Variants in RGS7 observed in about 807,000 individuals in gnomAD.
The protein encoded by RGS7 is regulator of G protein signaling 7, also known as regulator of G-protein signaling 7.
Under a neutral mutation model 81.1 loss-of-function variants are expected in RGS7, and 27 were observed. The observed-to-expected ratio is 0.33, with a 90% CI of 0.25 to 0.46. The LOEUF (loss-of-function observed/expected upper bound fraction) is 0.46. RGS7 is among the 20% of genes least tolerant of loss of function. The pLI is 1.00. For synonymous variants in RGS7, 208 were observed against 207.7 expected, an observed-to-expected ratio of 1.00 and a Z score of -0.01; for missense variants, 396 against 607.4, an observed-to-expected ratio of 0.65 and a Z score of 3.66.
chr1:241,242,102 C>T (rs1355045815), intron 2 of RGS7, among the ~76,000 whole-genome samples: 8 of 151,860 alleles, frequency 5.3e-5, no homozygotes, highest in Non-Finnish European at 7.4e-5. Context: ...CCCCTACTGC[C>T]CCCCACCCTT....
At chr1:240,817,924 T>C (rs1691117795) in intron 10 of RGS7, among the ~76,000 whole-genome samples, 1 of 152,164 alleles carries the variant, frequency 6.6e-6, no homozygotes, top group South Asian at 2.1e-4. Context: ...TTTGGTGCTC[T>C]TATCCTTTCT....
chr1:240,847,906 A>T (rs1045330224), intron 9 of RGS7, among the ~76,000 whole-genome samples: 1 of 152,214 alleles, frequency 6.6e-6, no homozygotes, highest in Non-Finnish European at 1.5e-5. Context: ...GATTTCAAGG[A>T]TCACTCAACA....
chr1:241,058,113 T>C (rs951213729), intron 3 of RGS7, among the ~76,000 whole-genome samples: 1 of 152,146 alleles, frequency 6.6e-6, no homozygotes, highest in Non-Finnish European at 1.5e-5. Flanking sequence ...CACCTGAAAC[T>C]GGTTATCATC....
At chr1:241,170,888 G>A (rs1197037602) in intron 2 of RGS7, among the ~76,000 whole-genome samples, 1 of 151,958 alleles carries the variant, frequency 6.6e-6, no homozygotes, top group Admixed American at 6.6e-5. Flanking sequence ...GCCTACAGAG[G>A]ACTCAATAGT....
intron 2 of RGS7, among the ~76,000 whole-genome samples, chr1:241,288,740 T>A (rs2078947000): frequency 6.6e-6 from 1 of 152,174 alleles, no homozygotes; most frequent in East Asian, 1.9e-4. Context: ...TCTGGAAAGT[T>A]GGAAATTGTC....
At chr1:240,979,637 A>C (rs1218870671) in intron 4 of RGS7, among the ~76,000 whole-genome samples, 2 of 152,190 alleles carry the variant, frequency 1.3e-5, no homozygotes, top group Non-Finnish European at 2.9e-5. Flanking sequence ...AGAGGTCAGC[A>C]TGAAAGTTAT....
At chr1:241,091,204 TACTA>T (rs1265862557) in intron 3 of RGS7, among the ~76,000 whole-genome samples, 1 of 152,168 alleles carries the variant, frequency 6.6e-6, no homozygotes, top group East Asian at 1.9e-4. Context: ...GTTTCCAAAT[TACTA>T]ACTAATATTT....
chr1:241,006,928 T>G (rs1471956139), intron 3 of RGS7, among the ~76,000 whole-genome samples: 1 of 152,168 alleles, frequency 6.6e-6, no homozygotes, highest in East Asian at 1.9e-4. Context: ...TTCTTCTTAT[T>G]ATTTTTGAGA....
chr1:241,340,080 C>T (rs11808100), intron 2 of RGS7, among the ~76,000 whole-genome samples: 3,530 of 152,254 alleles, frequency 0.023, 89 homozygotes, highest in African/African-American at 0.058. Context: ...AGAGTTAGAA[C>T]CTATTTCCAA....
intron 2 of RGS7, among the ~76,000 whole-genome samples, chr1:241,121,710 C>CTTT (rs10681773): frequency 0.02 from 1,302 of 66,338 alleles, 216 homozygotes; most frequent in African/African-American, 0.075. Context: ...TGCAATTGTT[C>CTTT]TTTTTTTTTT....
intron 2 of RGS7, among the ~76,000 whole-genome samples, chr1:241,220,321 T>C (rs1558201791): frequency 6.6e-6 from 1 of 152,318 alleles, no homozygotes; most frequent in East Asian, 1.9e-4. Context: ...CCTGGTTGCA[T>C]TCACTTAAAG....
At chr1:241,113,761 C>T (rs1031272758) in intron 2 of RGS7, among the ~76,000 whole-genome samples, 1 of 152,124 alleles carries the variant, frequency 6.6e-6, no homozygotes, top group Non-Finnish European at 1.5e-5. Context: ...ATGCTACTTC[C>T]TTGATAAAAC....
At chr1:241,253,907 C>T (rs527588275) in intron 2 of RGS7, among the ~76,000 whole-genome samples, 25 of 152,180 alleles carry the variant, frequency 1.6e-4, no homozygotes, top group African/African-American at 5.8e-4. Flanking sequence ...TCTAGAAGGA[C>T]AGTGTTCAAT....
At chr1:241,206,802 C>G (rs1334494252) in intron 2 of RGS7, among the ~76,000 whole-genome samples, 2 of 152,072 alleles carry the variant, frequency 1.3e-5, no homozygotes, top group Non-Finnish European at 2.9e-5. Context: ...ATGTCACCCC[C>G]TTAGGCCATG....
chr1:240,815,934 T>C (rs1289969414), intron 11 of RGS7, among the ~76,000 whole-genome samples: 5 of 152,166 alleles, frequency 3.3e-5, no homozygotes, highest in East Asian at 3.9e-4. Context: ...TGTCCTATCA[T>C]TGGATGTGGG....
At chr1:241,221,474 C>G (rs1170624375) in intron 2 of RGS7, among the ~76,000 whole-genome samples, 1 of 152,206 alleles carries the variant, frequency 6.6e-6, no homozygotes, top group Non-Finnish European at 1.5e-5. Flanking sequence ...GGAATACGGG[C>G]AGATGTAAAT....
intron 3 of RGS7, among the ~76,000 whole-genome samples, chr1:241,027,721 G>A (rs2059865019): frequency 6.6e-6 from 1 of 152,092 alleles, no homozygotes; most frequent in Non-Finnish European, 1.5e-5. Context: ...ATGAGAGGAG[G>A]AGCCGGCAGT....
At chr1:240,896,797 G>T (rs1669170747) in intron 6 of RGS7, among the ~76,000 whole-genome samples, 1 of 152,192 alleles carries the variant, frequency 6.6e-6, no homozygotes, top group Non-Finnish European at 1.5e-5. Context: ...GAACTTTAAA[G>T]TAGTTTTTTC....
chr1:241,351,978 A>T (rs189150797), intron 2 of RGS7, among the ~76,000 whole-genome samples: 140 of 152,242 alleles, frequency 9.2e-4, no homozygotes, highest in African/African-American at 3.3e-3. Flanking sequence ...TGACCTAGAA[A>T]TTTTGTTTTT....
Sources: gnomAD v4.1 joint callset for allele counts (sites outside exome capture counted in the v4.1 genomes callset) on GRCh38, gnomAD v4.1.1 for gene constraint, MANE v1.5 for transcripts, NCBI Gene and HGNC (gene_info 2026-07-23, HGNC 2026-07-21) for gene names.